Variants in SLIT3 observed in about 807,000 individuals in gnomAD.
SLIT3 encodes slit guidance ligand 3, also known as slit homolog 3 protein.
Under a neutral mutation model 184.0 loss-of-function variants are expected in SLIT3, and 68 were observed. The ratio of observed to expected loss-of-function variants is 0.37; its 90% CI spans 0.30 to 0.45. The LOEUF is 0.45. Ranked by LOEUF, SLIT3 falls within the 20% of genes least tolerant of loss-of-function variation. The probability of loss-of-function intolerance (pLI) is 1.00; values close to 1 mark genes in which losing one functional copy is unlikely to be tolerated. For synonymous variants in SLIT3, 831 were observed against 828.6 expected (o/e 1.00, Z -0.05); for missense variants, 1,707 against 2,026.0 (o/e 0.84, Z 3.02).
chr5:169,205,407 A>C (rs1764036047), intron 3 of SLIT3, among the ~76,000 whole-genome samples: 1 of 152,190 alleles, frequency 6.6e-6, no homozygotes, highest in Non-Finnish European at 1.5e-5. Context: ...GCATGGCCTT[A>C]GGATTTAATC....
chr5:169,170,055 C>A (rs1431684774), intron 4 of SLIT3, among the ~76,000 whole-genome samples: 2 of 152,202 alleles, frequency 1.3e-5, no homozygotes, highest in Non-Finnish European at 2.9e-5. Flanking sequence ...AAGGAGGGAA[C>A]CTCCAGACCC....
At chr5:168,906,747 T>C (rs1761067494) in intron 4 of SLIT3, among the ~76,000 whole-genome samples, 1 of 152,128 alleles carries the variant, frequency 6.6e-6, no homozygotes, top group South Asian at 2.1e-4. Context: ...AATAATAAAG[T>C]GTTTATAGGT....
chr5:169,249,745 G>A (rs373879535), intron 2 of SLIT3, among the ~76,000 whole-genome samples: 4 of 152,298 alleles, frequency 2.6e-5, no homozygotes, highest in East Asian at 3.9e-4. Context: ...TCTCAGTCTC[G>A]ATTCTGATCC....
chr5:168,982,834 G>A (rs1375529033), intron 4 of SLIT3, among the ~76,000 whole-genome samples: 1 of 152,144 alleles, frequency 6.6e-6, no homozygotes, highest in Non-Finnish European at 1.5e-5. Context: ...AATCTCTTTG[G>A]ACTAAACTGA....
intron 7 of SLIT3, among the ~76,000 whole-genome samples, chr5:168,819,974 C>G (rs1253800879): frequency 6.6e-6 from 1 of 152,162 alleles, no homozygotes; most frequent in Non-Finnish European, 1.5e-5. Flanking sequence ...ACTCCCTCTT[C>G]TTGGAATTGT....
intron 4 of SLIT3, chr5:169,018,057 C>T (rs1009766994): frequency 3.9e-5 from 6 of 152,338 alleles, no homozygotes; most frequent in African/African-American, 1.4e-4. Context: ...TGCATGTATC[C>T]TATTTATACT....
chr5:168,687,767 G>A (rs1440153725), intron 29 of SLIT3, among the ~76,000 whole-genome samples: 2 of 152,224 alleles, frequency 1.3e-5, no homozygotes, highest in Non-Finnish European at 2.9e-5. Flanking sequence ...AACATGACAT[G>A]TAGAAGATGA....
At chr5:168,821,582 G>A (rs1757533573) in intron 7 of SLIT3, among the ~76,000 whole-genome samples, 2 of 152,212 alleles carry the variant, frequency 1.3e-5, no homozygotes, top group Admixed American at 1.3e-4. Context: ...GGGAGGGAAA[G>A]GAACAGATTT....
At chr5:169,232,338 C>A (rs1242310742) in intron 3 of SLIT3, among the ~76,000 whole-genome samples, 3 of 152,172 alleles carry the variant, frequency 2.0e-5, no homozygotes, top group Admixed American at 6.5e-5. Flanking sequence ...GATTCTCCTG[C>A]CTCAGCCTCC....
intron 4 of SLIT3, among the ~76,000 whole-genome samples, chr5:169,078,244 C>A (rs79446739): frequency 6.6e-6 from 1 of 152,292 alleles, no homozygotes; most frequent in East Asian, 1.9e-4. Context: ...CCAAGTCCAA[C>A]GCAAACCAGC....
intron 4 of SLIT3, among the ~76,000 whole-genome samples, chr5:169,165,444 G>T (rs888370002): frequency 3.3e-5 from 5 of 152,202 alleles, no homozygotes; most frequent in Non-Finnish European, 5.9e-5. Context: ...TGCCTAATCT[G>T]CTAAATATGA....
intron 3 of SLIT3, among the ~76,000 whole-genome samples, chr5:169,230,971 ATTTGT>A (rs950967325): frequency 7.9e-5 from 12 of 152,276 alleles, no homozygotes; most frequent in African/African-American, 2.2e-4. Context: ...ATTTTGCTAC[ATTTGT>A]TTTATTTTAT....
intron 4 of SLIT3, among the ~76,000 whole-genome samples, chr5:168,956,653 C>T (rs542383585): frequency 1.3e-5 from 2 of 151,526 alleles, no homozygotes; most frequent in East Asian, 3.9e-4. Flanking sequence ...AATTAGCTGG[C>T]CGTGGTGGCG....
chr5:168,948,718 A>G (rs1307011296), intron 4 of SLIT3, among the ~76,000 whole-genome samples: 1 of 152,196 alleles, frequency 6.6e-6, no homozygotes, highest in Non-Finnish European at 1.5e-5. Flanking sequence ...TAAAGCATAT[A>G]CATGGATTCT....
chr5:168,837,047 G>A (rs1758074444), intron 6 of SLIT3, among the ~76,000 whole-genome samples: 1 of 152,174 alleles, frequency 6.6e-6, no homozygotes, highest in African/African-American at 2.4e-5. Flanking sequence ...TGACTGTCAT[G>A]GAACCTGGAG....
At chr5:168,907,852 ATATATC>A (rs1234183845) in intron 4 of SLIT3, among the ~76,000 whole-genome samples, 1 of 148,986 alleles carries the variant, frequency 6.7e-6, no homozygotes, top group African/African-American at 2.5e-5. Context: ...ATAAGTATAC[ATATATC>A]TATATCTATA....
intron 5 of SLIT3, among the ~76,000 whole-genome samples, chr5:168,871,007 C>T (rs1759497941): frequency 6.6e-6 from 1 of 152,166 alleles, no homozygotes; most frequent in African/African-American, 2.4e-5. Flanking sequence ...TAACATAACA[C>T]GAATTTATTG....
chr5:169,249,128 T>G (rs1216339677), intron 2 of SLIT3, among the ~76,000 whole-genome samples: 1 of 152,122 alleles, frequency 6.6e-6, no homozygotes, highest in Non-Finnish European at 1.5e-5. Flanking sequence ...AAGAATCGAT[T>G]GAGGAAAAAT....
chr5:169,055,736 G>A (rs1757977911), intron 4 of SLIT3, among the ~76,000 whole-genome samples: 1 of 152,016 alleles, frequency 6.6e-6, no homozygotes, highest in African/African-American at 2.4e-5. Flanking sequence ...GGAGGCTGAG[G>A]CAGAGAATGG....
Sources: allele counts gnomAD v4.1 joint callset (sites outside exome capture counted in the v4.1 genomes callset), GRCh38; gene constraint gnomAD v4.1.1; transcripts MANE v1.5; gene names NCBI Gene and HGNC (gene_info 2026-07-23, HGNC 2026-07-21).